TXNDC12: variants seen among roughly 807,000 people sequenced by gnomAD.
The protein encoded by TXNDC12 is thioredoxin domain containing 12.
TXNDC12 carries 22 observed loss-of-function variants against 24.2 expected under a neutral mutation model. The ratio of observed to expected loss-of-function variants is 0.91; its 90% CI spans 0.65 to 1.30. The LOEUF (loss-of-function observed/expected upper bound fraction) is 1.30. Among genes scored for constraint, TXNDC12 ranks in the 50% most tolerant of loss-of-function variants. TXNDC12 has a pLI of 0.00. For synonymous variants in TXNDC12, 58 were observed against 73.4 expected (o/e 0.79, Z 1.07); for missense variants, 184 against 205.8 (o/e 0.89, Z 0.65).
At chr1:52,054,609 A>G (rs148632722) in intron 1 of TXNDC12, among the ~76,000 whole-genome samples, 146 of 152,364 alleles carry the variant, frequency 9.6e-4, no homozygotes, top group Non-Finnish European at 1.9e-3. Flanking sequence ...AAGTAACGAG[A>G]GAAATCTTCA....
At chr1:52,033,817 G>T in intron 2 of TXNDC12, 1 of 1,489,272 alleles carries the variant, frequency 6.7e-7, no homozygotes, top group Admixed American at 2.4e-5. Context: ...GGTTGTACGC[G>T]TCTCCGACGT....
intron 3 of TXNDC12, 110 bp downstream of exon 3, chr1:52,028,468 T>C: frequency 1.3e-6 from 1 of 796,476 alleles, no homozygotes; most frequent in South Asian, 1.8e-5. Context: ...TTCTTTAGTA[T>C]TCCTTAAACA....
chr1:52,054,922 G>T, intron 1 of TXNDC12, 78 bp downstream of exon 1: 1 of 1,109,666 alleles, frequency 9.0e-7, no homozygotes, highest in African/African-American at 1.6e-5. Flanking sequence ...GGAGGGGAAC[G>T]GTGCTAGGGC....
intron 1 of TXNDC12, among the ~76,000 whole-genome samples, chr1:52,047,512 G>A (rs545929753): frequency 6.6e-6 from 1 of 152,276 alleles, no homozygotes; most frequent in African/African-American, 2.4e-5. Flanking sequence ...TAGATACAAA[G>A]AATAGTGAGC....
chr1:52,023,590 T>C lies in TXNDC12; in HGVS notation c.356-16A>G. The C allele has an allele frequency of 6.2e-7, 1 of 1,601,736 alleles. No individual in the cohort carries two copies. Among genetic ancestry groups the C allele is most frequent in the East Asian group, 2.2e-5 (1 of 44,798 alleles). On this transcript the variant is annotated splice_polypyrimidine_tract_variant and intron_variant, in intron 5 of 6. Transcript: ENST00000371626. ...CCACTGGGATCTGTTATAGACAAAA[T>C]GACACAGAGTTTTGCAGTAATTACA...
At chr1:52,038,559 G>A (rs1420619519) in intron 2 of TXNDC12, among the ~76,000 whole-genome samples, 2 of 152,076 alleles carry the variant, frequency 1.3e-5, no homozygotes, top group African/African-American at 2.4e-5. Context: ...TGATCCACCC[G>A]CCTTGGACTG....
intron 4 of TXNDC12, among the ~76,000 whole-genome samples, chr1:52,026,991 G>A (rs2783176): frequency 0.037 from 5,552 of 151,580 alleles, 132 homozygotes; most frequent in African/African-American, 0.043. Context: ...AGCCAGGATC[G>A]CACCACTGCA....
chr1:52,040,611 T>C (rs2124381595), intron 2 of TXNDC12, among the ~76,000 whole-genome samples: 1 of 152,380 alleles, frequency 6.6e-6, no homozygotes, highest in South Asian at 2.1e-4. Flanking sequence ...TTTTAAGTTT[T>C]TTGATATTTC....
chr1:52,054,022 C>G (rs1201605949), intron 1 of TXNDC12, among the ~76,000 whole-genome samples: 3 of 152,130 alleles, frequency 2.0e-5, no homozygotes, highest in Non-Finnish European at 2.9e-5. Context: ...CAGCTATATC[C>G]CTAGTGCCTA....
At chr1:52,049,547 C>G (rs1440940980) in intron 1 of TXNDC12, among the ~76,000 whole-genome samples, 1 of 152,208 alleles carries the variant, frequency 6.6e-6, no homozygotes, top group African/African-American at 2.4e-5. Context: ...GATTGCGTCA[C>G]TGCACTCCAG....
chr1:52,043,731 T>C (rs115742433), intron 1 of TXNDC12, among the ~76,000 whole-genome samples: 102 of 152,354 alleles, frequency 6.7e-4, no homozygotes, highest in Non-Finnish European at 9.4e-4. Flanking sequence ...AGAAGTTACA[T>C]CACCTGTACT....
chr1:52,027,908 C>T (rs1215461147), intron 3 of TXNDC12, among the ~76,000 whole-genome samples: 1 of 152,012 alleles, frequency 6.6e-6, no homozygotes, highest in East Asian at 1.9e-4. Context: ...TCTCAGCTCA[C>T]TGCAACCTCC....
At chr1:52,046,889 ATAT>A (rs1686105819) in intron 1 of TXNDC12, among the ~76,000 whole-genome samples, 1 of 140,784 alleles carries the variant, frequency 7.1e-6, no homozygotes, top group African/African-American at 2.7e-5. Context: ...ATATATATAT[ATAT>A]ATTAGCCGGG....
chr1:52,038,450 A>G (rs969108913), intron 2 of TXNDC12, among the ~76,000 whole-genome samples: 1 of 151,834 alleles, frequency 6.6e-6, no homozygotes, highest in Non-Finnish European at 1.5e-5. Context: ...AGCTGGGATT[A>G]TAGGCATGGA....
At chr1:52,032,418 A>G in intron 2 of TXNDC12, 1 of 1,188,780 alleles carries the variant, frequency 8.4e-7, no homozygotes, top group Non-Finnish European at 1.0e-6. Context: ...TGATAGCCCA[A>G]GTAGGATCCA....
At chr1:52,025,615 A>C (rs1451082657) in intron 4 of TXNDC12, among the ~76,000 whole-genome samples, 1 of 152,214 alleles carries the variant, frequency 6.6e-6, no homozygotes, top group Non-Finnish European at 1.5e-5. Flanking sequence ...TTCACCACAG[A>C]AAGTGGTGAG....
intron 2 of TXNDC12, among the ~76,000 whole-genome samples, chr1:52,034,662 T>A (rs1685849297): frequency 6.6e-6 from 1 of 152,206 alleles, no homozygotes; most frequent in South Asian, 2.1e-4. Context: ...AAGGCTGGTC[T>A]CAAACTCCTG....
chr1:52,029,670 A>G (rs144731177), intron 2 of TXNDC12, among the ~76,000 whole-genome samples: 4 of 152,354 alleles, frequency 2.6e-5, no homozygotes, highest in African/African-American at 9.6e-5. Context: ...AGCTGTCTCT[A>G]TATCCTTTAC....
chr1:52,054,524 A>G (rs1686287191), intron 1 of TXNDC12, among the ~76,000 whole-genome samples: 1 of 152,234 alleles, frequency 6.6e-6, no homozygotes, highest in African/African-American at 2.4e-5. Flanking sequence ...CTTATGCACT[A>G]GATACAGCTA....
Sources: gnomAD v4.1 joint callset for allele counts (sites outside exome capture counted in the v4.1 genomes callset) on GRCh38, gnomAD v4.1.1 for gene constraint, MANE v1.5 for transcripts, NCBI Gene and HGNC (gene_info 2026-07-23, HGNC 2026-07-21) for gene names.